SEMA4D: variants seen among roughly 807,000 people sequenced by gnomAD.
SEMA4D encodes semaphorin-4D.
A neutral mutation model predicts 74.8 loss-of-function variants in SEMA4D; 22 were observed. That is an observed-to-expected ratio of 0.29 (90% CI 0.21 to 0.42). SEMA4D has a LOEUF of 0.42. Among genes scored for constraint, SEMA4D ranks in the 10% least tolerant of loss-of-function variants. SEMA4D has a pLI of 1.00. For synonymous variants in SEMA4D, 445 were observed against 463.7 expected (o/e 0.96, Z 0.52); for missense variants, 937 against 1,118.4 (o/e 0.84, Z 2.31).
At chr9:89,370,074 TGGTGTGTATGGGGGTGGTTTTA>T (rs1356384900) in intron 16 of SEMA4D, among the ~76,000 whole-genome samples, 1 of 151,440 alleles carries the variant, frequency 6.6e-6, no homozygotes, top group Non-Finnish European at 1.5e-5. Context: ...GTGTTTGGTA[TGGTGTGTATGGGGGTGGTTTTA>T]GGTGTGTGTA....
intron 9 of SEMA4D, 149 bp from the exon 10 acceptor site, chr9:89,389,196 A>G (rs905595773): frequency 1.4e-6 from 1 of 738,392 alleles, no homozygotes; most frequent in South Asian, 1.7e-5. Context: ...AGATGCCGCA[A>G]TTATGTGAGT....
At chr9:89,363,709 A>G in intron 17 of SEMA4D, 1 of 1,603,758 alleles carries the variant, frequency 6.2e-7, no homozygotes, top group South Asian at 1.1e-5. Context: ...TTACCTCATA[A>G]AAGGGTAACA....
intron 16 of SEMA4D, chr9:89,368,729 C>G (rs1834074927): frequency 1.3e-5 from 2 of 152,334 alleles, no homozygotes; most frequent in South Asian, 4.1e-4. Flanking sequence ...ATGCTCTAGA[C>G]CACTCAGGGC....
chr9:89,393,575 T>C lies in SEMA4D; in HGVS notation c.495A>G (p.Thr165=). ...GGCAGGACTCACCAACCATGACGGA[T>C]GTGTAGCTGTGTGCTGGGTCAAAGG... ...RCPFDPAHSY[T]SVMVDGELYS... is the part of the protein sequence containing the mutation. Residue 165 remains threonine, a synonymous_variant, in exon 7 of 16, where the codon ACA becomes ACG. Coordinates refer to ENST00000422704, the MANE Select transcript of SEMA4D (RefSeq NM_001371194.2). The C allele has an allele frequency of 6.2e-6, 10 of 1,614,018 alleles. No homozygotes were observed. The highest frequency in any genetic ancestry group is 8.5e-6 in the Non-Finnish European group (10 of 1,179,870).
Position 89,429,206 on chromosome 9 carries a change from G to A in SEMA4D, c.-243-23507C>T, listed in dbSNP as rs116250616. ...CCTCCCTGCCCAGTCAGCCCTCCCA[G>A]ACCCACCACCAGGAGTTGTACCAGG... On this transcript the variant is annotated intron_variant, in intron 2 of 15. Coordinates refer to ENST00000422704, the MANE Select transcript of SEMA4D (RefSeq NM_001371194.2). Among the ~76,000 whole-genome samples, 999 of 152,304 alleles carry A rather than the reference G, an allele frequency of 6.6e-3. 9 individuals carry two copies. Among genetic ancestry groups the A allele is most frequent in the African/African-American group, 0.023 (947 of 41,568 alleles).
chr9:89,379,514 C>G lies in SEMA4D; in HGVS notation c.1779G>C (p.Val593=). The change falls in exon 16 of 16, where the codon GTG becomes GTC. Residue 593 remains valine, a synonymous_variant. Coordinates refer to ENST00000422704, the MANE Select transcript of SEMA4D (RefSeq NM_001371194.2). ...CGTACTTGGGGCTCTCGGCCTTCAA[C>G]ACGCCATTCTGGAACTTCCAAAAGA... ...ARVFWKFQNG[V]LKAESPKYGL... 6.2e-7 allele frequency: 1 copy of G among 1,614,210 alleles called. No homozygotes were observed. The highest frequency in any genetic ancestry group is 8.5e-7 in the Non-Finnish European group (1 of 1,180,046).
At chr9:89,472,198 C>T (rs17054919) in intron 1 of SEMA4D, 38,332 of 200,714 alleles carry the variant, frequency 0.19, 3,969 homozygotes, top group East Asian at 0.33. Flanking sequence ...AAAACACATC[C>T]CAAGGGTGAA....
At chr9:89,447,261 ATCCCCGGCTCCAG>A (rs1293903422) in intron 2 of SEMA4D, among the ~76,000 whole-genome samples, 2 of 151,848 alleles carry the variant, frequency 1.3e-5, no homozygotes, top group African/African-American at 4.8e-5. Flanking sequence ...AGACCTCCAT[ATCCCCGGCTCCAG>A]TCAGGACTAA....
At chr9:89,371,105 G>T (rs1291018380) in intron 16 of SEMA4D, among the ~76,000 whole-genome samples, 1 of 16,124 alleles carries the variant, frequency 6.2e-5, no homozygotes, top group Non-Finnish European at 1.4e-4. Flanking sequence ...TGTATAAGGT[G>T]TGTGTGGGGG....
chr9:89,457,213 G>C (rs1282429685), intron 1 of SEMA4D, among the ~76,000 whole-genome samples: 2 of 152,180 alleles, frequency 1.3e-5, no homozygotes, highest in African/African-American at 4.8e-5. Context: ...ACCAGAGCCT[G>C]TGATGGGGTG....
chr9:89,448,227 C>T (rs1253133857), intron 2 of SEMA4D, among the ~76,000 whole-genome samples: 2 of 152,206 alleles, frequency 1.3e-5, no homozygotes, highest in African/African-American at 2.4e-5. Context: ...CCTCCCATCT[C>T]GGCCTATCAA....
intron 1 of SEMA4D, among the ~76,000 whole-genome samples, chr9:89,465,818 C>A (rs1858541740): frequency 6.6e-6 from 1 of 152,192 alleles, no homozygotes; most frequent in African/African-American, 2.4e-5. Flanking sequence ...ACAGGTGAGC[C>A]CTGGGTGGCC....
intron 16 of SEMA4D, among the ~76,000 whole-genome samples, chr9:89,371,973 GGTGTGTGTC>G (rs1564501805): frequency 1.6e-5 from 2 of 122,318 alleles, no homozygotes; most frequent in Non-Finnish European, 3.5e-5. Flanking sequence ...TGTGGGGTGT[GGTGTGTGTC>G]TGGGGTGTGG....
intron 1 of SEMA4D, among the ~76,000 whole-genome samples, chr9:89,469,841 C>T (rs577839872): frequency 3.3e-5 from 5 of 152,292 alleles, no homozygotes; most frequent in South Asian, 2.1e-4. Flanking sequence ...CACCGAAAGT[C>T]GGAAGCAAGG....
intron 1 of SEMA4D, among the ~76,000 whole-genome samples, chr9:89,457,850 G>A (rs948028292): frequency 4.0e-5 from 6 of 151,482 alleles, no homozygotes; most frequent in South Asian, 2.1e-4. Context: ...TAGCTAACAC[G>A]GTGAAACCCC....
chr9:89,430,648 G>A (rs1049050014), intron 2 of SEMA4D, among the ~76,000 whole-genome samples: 20 of 152,226 alleles, frequency 1.3e-4, no homozygotes, highest in Non-Finnish European at 1.3e-4. Flanking sequence ...TATCTCCATG[G>A]TGCCTTATCA....
chr9:89,431,349 G>A (rs945663140), intron 2 of SEMA4D, among the ~76,000 whole-genome samples: 1 of 152,254 alleles, frequency 6.6e-6, no homozygotes, highest in Non-Finnish European at 1.5e-5. Flanking sequence ...CCTCCAGGAG[G>A]AGGGACACCA....
chr9:89,379,455 T>G lies in SEMA4D; in HGVS notation c.1838A>C (p.Asn613Thr), dbSNP rs749204954. Residue 613 changes from asparagine to threonine, a missense_variant, in exon 16 of 16, where the codon AAC (asparagine) becomes ACC (threonine). Transcript: ENST00000422704. ...CACCCCACTGTCTCCTTCTGACAAG[T>G]TGAAGATGAGCAAGTTTTTTCTGCC... The part of the protein sequence containing the change: ...LMGRKNLLIF[N>T]LSEGDSGVYQ... 1 of 1,614,160 alleles carries G rather than the reference T, an allele frequency of 6.2e-7. No homozygotes were observed. Among genetic ancestry groups the G allele is most frequent in the Admixed American group, 1.7e-5 (1 of 60,020 alleles).
intron 1 of SEMA4D, among the ~76,000 whole-genome samples, chr9:89,468,167 C>T (rs564003746): frequency 7.2e-5 from 11 of 152,366 alleles, no homozygotes; most frequent in African/African-American, 2.4e-4. Context: ...CTCCACTCCA[C>T]CTGCAACAGG....
Sources: allele counts gnomAD v4.1 joint callset (sites outside exome capture counted in the v4.1 genomes callset), GRCh38; gene constraint gnomAD v4.1.1; transcripts MANE v1.5; gene names NCBI Gene and HGNC (gene_info 2026-07-23, HGNC 2026-07-21).